The following DMD variants were observed in gnomAD, a reference collection of about 807,000 sequenced individuals.
DMD encodes mutant dystrophin.
Under a neutral mutation model 330.1 loss-of-function variants are expected in DMD, and 63 were observed. The ratio of observed to expected loss-of-function variants is 0.19; its 90% CI spans 0.16 to 0.24. The LOEUF (loss-of-function observed/expected upper bound fraction) is 0.24, where lower values mean the gene tolerates loss of function less well. DMD is among the 10% of genes least tolerant of loss of function. The pLI is 1.00. For synonymous variants in DMD, 1,223 were observed against 959.8 expected (o/e 1.27, Z -5.07); for missense variants, 3,344 against 2,684.1 (o/e 1.25, Z -5.43).
At chrX:31,672,806 G>A (rs1461010235) in intron 53 of DMD, among the ~76,000 whole-genome samples, 4 of 111,825 alleles carry the variant, frequency 3.6e-5, no homozygotes, top group Non-Finnish European at 5.6e-5. Context: ...GATCCCGCAA[G>A]AACATGTCAG....
intron 44 of DMD, among the ~76,000 whole-genome samples, chrX:32,073,279 T>G (rs2147815123): frequency 8.9e-6 from 1 of 111,849 alleles, no homozygotes; most frequent in Non-Finnish European, 1.9e-5. Context: ...GACGGGGCAT[T>G]AATTCTTTCA....
rs59951984 is a variant in DMD, at chrX:31,531,506, C to T, written c.8218-24053G>A. 1.1e-3 allele frequency among the ~76,000 whole-genome samples: 77 copies of T among 71,384 alleles called. No homozygotes were observed. The East Asian group carries it at 0.033, about 30-fold the overall frequency. The allele number at this position is 71,384 out of a possible 115,157, so 62.0% of individuals were successfully genotyped here. ...GAAGTGTCTGTTCATGTCCTTCGCC[C>T]ACTTTTTGATGGGGTTGTTTGTTTT... is the stretch of plus-strand genomic sequence containing the variant. On this transcript the variant is annotated intron_variant, in intron 55 of 78. Coordinates refer to ENST00000357033, the MANE Select transcript of DMD (RefSeq NM_004006.3).
intron 1 of DMD, among the ~76,000 whole-genome samples, chrX:33,224,743 T>C (rs1291512302): frequency 9.0e-6 from 1 of 111,298 alleles, no homozygotes; most frequent in Non-Finnish European, 1.9e-5. Flanking sequence ...TGTGTTGACG[T>C]AGGTTCATTT....
intron 43 of DMD, among the ~76,000 whole-genome samples, chrX:32,267,691 A>G (rs1039496072): frequency 3.6e-5 from 4 of 112,300 alleles, no homozygotes; most frequent in Non-Finnish European, 5.6e-5. Context: ...ACAAAAATAA[A>G]GTTTTGTTAA....
intron 48 of DMD, among the ~76,000 whole-genome samples, 171 bp downstream of exon 48, chrX:31,875,017 C>T (rs2093946567): frequency 9.0e-6 from 1 of 111,508 alleles, no homozygotes; most frequent in East Asian, 2.8e-4. Flanking sequence ...TCCTGTAATA[C>T]TCCATTGCAG....
At chrX:31,189,578 C>CTCAG (rs2042120633) in intron 67 of DMD, among the ~76,000 whole-genome samples, 1 of 111,549 alleles carries the variant, frequency 9.0e-6, no homozygotes, top group South Asian at 3.8e-4. Context: ...CCCAGTAATT[C>CTCAG]TCAGATAACA....
intron 1 of DMD, among the ~76,000 whole-genome samples, chrX:33,081,006 AC>A (rs778161999): frequency 7.7e-4 from 74 of 96,486 alleles, no homozygotes; most frequent in Admixed American, 2.7e-3. Context: ...ACACACACAC[AC>A]AAAAACACAT....
chrX:31,498,483 T>C (rs2070092103), intron 56 of DMD, among the ~76,000 whole-genome samples: 1 of 112,242 alleles, frequency 8.9e-6, no homozygotes, highest in Non-Finnish European at 1.9e-5. Context: ...CATAGCCAAA[T>C]ATTTATGGAT....
At chrX:33,220,140 C>T (rs755593970) in intron 1 of DMD, among the ~76,000 whole-genome samples, 2 of 111,504 alleles carry the variant, frequency 1.8e-5, no homozygotes, top group Non-Finnish European at 3.8e-5. Flanking sequence ...CTCTGATGTC[C>T]AGCTGGTGTC....
intron 4 of DMD, among the ~76,000 whole-genome samples, chrX:32,842,186 A>G (rs1286923312): frequency 1.8e-5 from 2 of 112,158 alleles, no homozygotes; most frequent in Non-Finnish European, 3.8e-5. Context: ...TCACTGAGTC[A>G]GTGCTGCCTG....
At chrX:33,251,717 T>C (rs1018503269) in intron 1 of DMD, among the ~76,000 whole-genome samples, 1 of 112,198 alleles carries the variant, frequency 8.9e-6, no homozygotes, top group Non-Finnish European at 1.9e-5. Flanking sequence ...TTTTATACTA[T>C]CAAGGGATTC....
intron 44 of DMD, among the ~76,000 whole-genome samples, chrX:32,009,790 A>C (rs2095691387): frequency 8.9e-6 from 1 of 111,842 alleles, no homozygotes; most frequent in South Asian, 3.7e-4. Context: ...TGAGCTTCCA[A>C]GAAAAATGAC....
At chrX:33,039,025 T>C (rs1218087155) in intron 1 of DMD, among the ~76,000 whole-genome samples, 1 of 112,015 alleles carries the variant, frequency 8.9e-6, no homozygotes, top group Non-Finnish European at 1.9e-5. Flanking sequence ...TGAAATTTTT[T>C]CTTCAATTTT....
At chrX:32,815,808 T>G (rs182371079) in intron 6 of DMD, among the ~76,000 whole-genome samples, 52 of 110,747 alleles carry the variant, frequency 4.7e-4, no homozygotes, top group Middle Eastern at 4.8e-3. Flanking sequence ...ACAAAAGATC[T>G]CTCTCTTGCT....
intron 78 of DMD, among the ~76,000 whole-genome samples, 184 bp from the exon 79 acceptor site, chrX:31,122,114 A>AT (rs1203645298): frequency 8.9e-6 from 1 of 112,409 alleles, no homozygotes; most frequent in Non-Finnish European, 1.9e-5. Context: ...GCAAAGCCTT[A>AT]TTAATGAAGC....
At chrX:33,010,274 A>T (rs1056765189) in intron 2 of DMD, among the ~76,000 whole-genome samples, 5 of 108,392 alleles carry the variant, frequency 4.6e-5, no homozygotes, top group Non-Finnish European at 9.6e-5. Context: ...ATGTGTGTAT[A>T]TGTACATATA....
At chrX:32,339,030 T>C (rs975291088) in intron 41 of DMD, among the ~76,000 whole-genome samples, 3 of 112,449 alleles carry the variant, frequency 2.7e-5, no homozygotes, top group African/African-American at 9.7e-5. Context: ...ATTATGTCTA[T>C]TTTCCAATGT....
intron 1 of DMD, among the ~76,000 whole-genome samples, chrX:33,114,431 A>G (rs141863792): frequency 0.029 from 3,195 of 111,368 alleles, 127 homozygotes; most frequent in African/African-American, 0.099. Context: ...AATTCTTAAA[A>G]TTCAACTTAA....
chrX:32,883,532 A>G (rs1440932428), intron 2 of DMD, among the ~76,000 whole-genome samples: 1 of 111,065 alleles, frequency 9.0e-6, no homozygotes, highest in Non-Finnish European at 1.9e-5. Flanking sequence ...TTGTTAGAAA[A>G]TGGCTTCCAT....
Sources: gnomAD v4.1 joint callset for allele counts (sites outside exome capture counted in the v4.1 genomes callset) on GRCh38, gnomAD v4.1.1 for gene constraint, MANE v1.5 for transcripts, NCBI Gene and HGNC (gene_info 2026-07-23, HGNC 2026-07-21) for gene names.